BIRC6: variants seen among roughly 807,000 people sequenced by gnomAD.
BIRC6 encodes dual E2 ubiquitin-conjugating enzyme/E3 ubiquitin-protein ligase BIRC6.
In BIRC6, 98 loss-of-function variants were observed where a neutral mutation model predicts 503.3. The ratio of observed to expected loss-of-function variants is 0.19; its 90% CI spans 0.17 to 0.23. The LOEUF (loss-of-function observed/expected upper bound fraction) is 0.23. BIRC6 is among the 10% of genes least tolerant of loss of function. The probability of loss-of-function intolerance (pLI) is 1.00; values close to 1 mark genes in which losing one functional copy is unlikely to be tolerated. For missense variants in BIRC6, 5,360 were observed against 5,806.0 expected, an observed-to-expected ratio of 0.92 and a Z score of 2.50; for synonymous variants, 2,240 against 2,078.7, an observed-to-expected ratio of 1.08 and a Z score of -2.11.
At chr2:32,494,120 C>A (rs548119702) in intron 45 of BIRC6, among the ~76,000 whole-genome samples, 6 of 152,060 alleles carry the variant, frequency 3.9e-5, no homozygotes, top group Admixed American at 6.5e-5. Context: ...TAAATTTTGA[C>A]CATAATGGGT....
chr2:32,561,243 T>C (rs1305256207), intron 65 of BIRC6, among the ~76,000 whole-genome samples: 3 of 151,472 alleles, frequency 2.0e-5, no homozygotes, highest in Non-Finnish European at 4.4e-5. Context: ...TTTTTTTTTT[T>C]TCTTTTTTCT....
At chr2:32,399,752 C>T (rs983082653) in intron 6 of BIRC6, among the ~76,000 whole-genome samples, 1 of 151,444 alleles carries the variant, frequency 6.6e-6, no homozygotes, top group East Asian at 1.9e-4. Flanking sequence ...GATATGAGGT[C>T]CTAGTATTTT....
In BIRC6 at chr2:32,419,693, T is replaced by C. The variant is rs145752562; in HGVS notation, c.2872+3530T>C. ...GGGAACATATCATGAAATATAACAA[T>C]ACTGAATATAAATATGACCCCAACA... On this transcript the variant is annotated intron_variant, in intron 10 of 73. Coordinates refer to ENST00000421745, the MANE Select transcript of BIRC6 (RefSeq NM_016252.4). 3.5e-3 allele frequency among the ~76,000 whole-genome samples: 530 copies of C among 152,232 alleles called. 6 individuals carry two copies. The highest frequency in any genetic ancestry group is 0.012 in the African/African-American group (518 of 41,542).
intron 22 of BIRC6, among the ~76,000 whole-genome samples, chr2:32,449,907 T>G (rs767699621): frequency 2.0e-5 from 3 of 152,252 alleles, no homozygotes; most frequent in Non-Finnish European, 4.4e-5. Context: ...TATGTGTTAT[T>G]ACTATTTGAT....
chr2:32,364,487 C>T (rs1283317849), intron 1 of BIRC6, among the ~76,000 whole-genome samples: 4 of 152,120 alleles, frequency 2.6e-5, no homozygotes, highest in Non-Finnish European at 4.4e-5. Context: ...GTGATCCGCC[C>T]GCCCTGGCCT....
chr2:32,482,121 CT>C lies in BIRC6; in HGVS notation c.7543-300del, dbSNP rs61394950. The stretch of plus-strand genomic sequence containing the variant: ...CAGAGTCTACTTGTATGTTAGCCTA[CT>C]TTTTTTTAAAGGAGAATCACCTGTA... On this transcript the variant is annotated intron_variant, in intron 38 of 73. Coordinates refer to ENST00000421745, the MANE Select transcript of BIRC6 (RefSeq NM_016252.4). Among the ~76,000 whole-genome samples the C allele has an allele frequency of 4.9e-3, 691 of 140,032 alleles. 7 individuals are homozygous for C. Among genetic ancestry groups the C allele is most frequent in the African/African-American group, 0.02 (672 of 34,000 alleles). 91.9% of individuals were successfully genotyped at this position (140,032 alleles called of 152,430 possible).
chr2:32,437,078 C>T (rs370211668), intron 15 of BIRC6, among the ~76,000 whole-genome samples: 2 of 151,208 alleles, frequency 1.3e-5, no homozygotes, highest in African/African-American at 2.4e-5. Context: ...TTAGTGGAGG[C>T]GGGGTTTCAT....
intron 1 of BIRC6, among the ~76,000 whole-genome samples, chr2:32,360,254 C>G (rs967753261): frequency 1.3e-5 from 2 of 152,062 alleles, no homozygotes; most frequent in African/African-American, 4.8e-5. Context: ...GGGAACAGGA[C>G]TTGTATGTAT....
chr2:32,604,190 A>G (rs2062269091), intron 71 of BIRC6, among the ~76,000 whole-genome samples: 1 of 152,180 alleles, frequency 6.6e-6, no homozygotes, highest in Admixed American at 6.5e-5. Context: ...CAGATGATGA[A>G]AATATAGGTT....
chr2:32,410,153 A>C (rs77487050), intron 9 of BIRC6, among the ~76,000 whole-genome samples: 6 of 152,166 alleles, frequency 3.9e-5, no homozygotes, highest in Non-Finnish European at 7.3e-5. Flanking sequence ...TCCTACATAG[A>C]TTAGAAAGAA....
Position 32,585,010 on chromosome 2 carries a change from T to C in BIRC6, c.13356-8905T>C, listed in dbSNP as rs115501181. ...TTAATTCTATCCCCAAAGCCTTAGA[T>C]TCTGGCTTACTTCTTTAGTTTTATA... On this transcript the variant is annotated intron_variant, in intron 66 of 73. Coordinates refer to ENST00000421745, the MANE Select transcript of BIRC6 (RefSeq NM_016252.4). Among the ~76,000 whole-genome samples, 501 of 152,342 alleles carry C rather than the reference T, an allele frequency of 3.3e-3. 3 individuals carry two copies. The highest frequency in any genetic ancestry group is 0.012 in the African/African-American group (486 of 41,574).
Position 32,603,111 on chromosome 2 carries a change from C to T in BIRC6, c.14070+28C>T. ...AAACAAAATTTCTCTGACATTTTCACTTAAGAAATAAAGAACTGTGTAGTA... is the reference window on the plus strand; with the variant it reads ...AAACAAAATTTCTCTGACATTTTCATTTAAGAAATAAAGAACTGTGTAGTA... On this transcript the variant is annotated intron_variant, in intron 71 of 73. Coordinates refer to ENST00000421745, the MANE Select transcript of BIRC6 (RefSeq NM_016252.4). 3.2e-6 allele frequency: 5 copies of T among 1,574,654 alleles called. 1 individual carries two copies. In the South Asian group the frequency reaches 4.6e-5, roughly 15 times the overall value.
chr2:32,583,270 G>A (rs1406451948), intron 66 of BIRC6, among the ~76,000 whole-genome samples: 1 of 152,166 alleles, frequency 6.6e-6, no homozygotes, highest in African/African-American at 2.4e-5. Context: ...GGTATTCACT[G>A]TACAGATTGT....
intron 33 of BIRC6, among the ~76,000 whole-genome samples, chr2:32,473,752 T>TGTGTGTG (rs1491234577): frequency 3.0e-5 from 3 of 101,670 alleles, no homozygotes; most frequent in South Asian, 3.1e-4. Context: ...TGTGTGTGTA[T>TGTGTGTG]TTTTTTTTTT....
At chr2:32,493,296 C>T (rs1311677707) in intron 44 of BIRC6, among the ~76,000 whole-genome samples, 1 of 151,796 alleles carries the variant, frequency 6.6e-6, no homozygotes, top group Non-Finnish European at 1.5e-5. Context: ...TTCAATAAAC[C>T]TAATATAGTT....
At chr2:32,470,831 G>A (rs987256016) in intron 31 of BIRC6, among the ~76,000 whole-genome samples, 183 bp from the exon 32 acceptor site, 1 of 152,054 alleles carries the variant, frequency 6.6e-6, no homozygotes, top group African/African-American at 2.4e-5. Context: ...TAGATTTGAT[G>A]TTCTACTCAG....
At chr2:32,410,961 A>G (rs542982992) in intron 9 of BIRC6, among the ~76,000 whole-genome samples, 1 of 151,968 alleles carries the variant, frequency 6.6e-6, no homozygotes, top group Non-Finnish European at 1.5e-5. Context: ...CGGCCTCCCA[A>G]AGTGCTGGGA....
intron 33 of BIRC6, among the ~76,000 whole-genome samples, chr2:32,475,306 C>T (rs1044772898): frequency 2.0e-5 from 3 of 151,774 alleles, no homozygotes; most frequent in South Asian, 4.2e-4. Context: ...AAGTAACTTT[C>T]TGTGTACATG....
In BIRC6 at chr2:32,510,014, T is replaced by C. The variant is rs1405277033; in HGVS notation, c.10237+20T>C. The C allele has an allele frequency of 3.1e-6, 5 of 1,610,688 alleles. No individual in the cohort carries two copies. Among genetic ancestry groups the C allele is most frequent in the Non-Finnish European group, 4.2e-6 (5 of 1,178,990 alleles). On this transcript the variant is annotated intron_variant, in intron 52 of 73. Transcript: ENST00000421745. The stretch of plus-strand genomic sequence containing the variant: ...CTACAGGTGATAATTAACTTTGATA[T>C]TTAAATGTTTACATATCTGTAAAGT...
Sources: gnomAD v4.1 joint callset for allele counts (sites outside exome capture counted in the v4.1 genomes callset) on GRCh38, gnomAD v4.1.1 for gene constraint, MANE v1.5 for transcripts, NCBI Gene and HGNC (gene_info 2026-07-23, HGNC 2026-07-21) for gene names.